Variants in FRY observed in about 807,000 individuals in gnomAD.
FRY encodes FRY microtubule binding protein.
FRY carries 128 observed loss-of-function variants against 348.4 expected under a neutral mutation model. The observed-to-expected ratio is 0.37, with a 90% CI of 0.32 to 0.43. The LOEUF is 0.43. FRY is among the 20% of genes least tolerant of loss of function. The pLI is 1.00. For synonymous variants in FRY, 1,370 were observed against 1,374.7 expected, an observed-to-expected ratio of 1.00 and a Z score of 0.08; for missense variants, 2,736 against 3,695.2, an observed-to-expected ratio of 0.74 and a Z score of 6.73.
At chr13:32,066,260 G>T (rs902040069) in intron 1 of FRY, among the ~76,000 whole-genome samples, 2 of 152,160 alleles carry the variant, frequency 1.3e-5, no homozygotes, top group Non-Finnish European at 2.9e-5. Context: ...CCTTATGGTG[G>T]TAACATTAAC....
In FRY at chr13:32,186,919, C is replaced by T. The variant is rs551136945; in HGVS notation, c.3480+499C>T. Among the ~76,000 whole-genome samples, 3 of 152,200 alleles carry T rather than the reference C, an allele frequency of 2.0e-5. No homozygotes were observed. The South Asian group carries it at 6.2e-4, about 32-fold the overall frequency. ...GTTGCTGACTCTCAGATTACCTTTG[C>T]CTCGGTGGAACTAATTTAAACTATG... On this transcript the variant is annotated intron_variant, in intron 27 of 60. Transcript: ENST00000542859.
intron 1 of FRY, among the ~76,000 whole-genome samples, chr13:32,048,446 T>C (rs1239904661): frequency 6.6e-6 from 1 of 152,184 alleles, no homozygotes; most frequent in Non-Finnish European, 1.5e-5. Context: ...AAAAGAAAAG[T>C]GTAGAGTGAA....
chr13:32,275,932 T>C (rs59657148), intron 56 of FRY, among the ~76,000 whole-genome samples: 2,707 of 152,110 alleles, frequency 0.018, 110 homozygotes, highest in African/African-American at 0.062. Context: ...GCTCAGTAAT[T>C]ACTGAGGTTT....
chr13:32,240,213 AT>A (rs1272136736), intron 46 of FRY, among the ~76,000 whole-genome samples: 1 of 152,236 alleles, frequency 6.6e-6, no homozygotes, highest in Non-Finnish European at 1.5e-5. Flanking sequence ...TATCATACAG[AT>A]CTGAGGCTCA....
rs1886373178 is a variant in FRY at position 32,239,133 on chromosome 13, C to G, written c.6419-119C>G. ...GATTTTGTGTTAGATCATGTTTAAG[C>G]TGATTCAAAAAACTGCTTTTGCATC... On this transcript the variant is annotated intron_variant, in intron 44 of 60. Coordinates refer to ENST00000542859, the MANE Select transcript of FRY (RefSeq NM_023037.3). This position sits in a 1 kb window ranked among gnomAD's most constrained non-coding sequence, Gnocchi z 4.3. The G allele has an allele frequency of 1.4e-6, 1 of 738,412 alleles. No homozygotes were observed. Among genetic ancestry groups the G allele is most frequent in the African/African-American group, 1.7e-5 (1 of 58,124 alleles). 45.7% of individuals were successfully genotyped at this position (738,412 alleles called of 1,614,324 possible).
rs558301393 is a variant in FRY, at chr13:32,261,639, C to T, written c.7440C>T (p.Asn2480=). The T allele has an allele frequency of 6.2e-7, 1 of 1,614,096 alleles. No homozygotes were observed. The change falls in exon 52 of 61, where the codon AAC becomes AAT. Residue 2480 remains asparagine, a synonymous_variant. Coordinates refer to ENST00000542859, the MANE Select transcript of FRY (RefSeq NM_023037.3). ...DGEGESMDNF[N]WGVRRRSLDS... is the part of the protein sequence containing the mutation. ...AGGGTGAGAGTATGGACAATTTCAA[C>T]TGGGGAGTGCGCAGACGTTCTCTGG...
At chr13:32,179,844 G>T in intron 23 of FRY, 45 bp downstream of exon 23, 1 of 1,578,796 alleles carries the variant, frequency 6.3e-7, no homozygotes, top group Non-Finnish European at 8.7e-7. Context: ...ACATGCTGCT[G>T]CTATTGTAGT....
intron 2 of FRY, 27 bp downstream of exon 2, chr13:32,079,060 C>G (rs1566059355): frequency 1.3e-6 from 2 of 1,483,522 alleles, no homozygotes; most frequent in Admixed American, 3.3e-5. Context: ...GAAACTGCCT[C>G]TTTGAAAATT....
chr13:32,150,562 C>G (rs1880730668), intron 14 of FRY, among the ~76,000 whole-genome samples: 1 of 152,024 alleles, frequency 6.6e-6, no homozygotes, highest in Non-Finnish European at 1.5e-5. Flanking sequence ...AGCTTTTTCA[C>G]CAGTAAAAAG....
At chr13:32,210,653 G>A (rs978548514) in intron 33 of FRY, among the ~76,000 whole-genome samples, 2 of 152,140 alleles carry the variant, frequency 1.3e-5, no homozygotes, top group African/African-American at 4.8e-5. Context: ...GAAAAGGTAA[G>A]GGCTTTAAGA....
chr13:32,290,489 A>T (rs181545965), intron 59 of FRY, among the ~76,000 whole-genome samples: 6 of 152,154 alleles, frequency 3.9e-5, no homozygotes, highest in Admixed American at 3.3e-4. Flanking sequence ...CATAAGCCTG[A>T]TGGGAAGAAA....
At chr13:32,124,140 C>A in intron 4 of FRY, 146 bp from the exon 5 acceptor site, 2 of 639,552 alleles carry the variant, frequency 3.1e-6, no homozygotes, top group Non-Finnish European at 2.8e-6. Flanking sequence ...GCCCGGCCAA[C>A]GTTAGCATGT....
intron 11 of FRY, among the ~76,000 whole-genome samples, chr13:32,146,607 T>C (rs1880477562): frequency 1.3e-5 from 2 of 152,212 alleles, no homozygotes; most frequent in Non-Finnish European, 2.9e-5. Flanking sequence ...GTGCTGGGAT[T>C]ACAGGCATGA....
intron 3 of FRY, among the ~76,000 whole-genome samples, chr13:32,103,796 T>C (rs966569070): frequency 1.3e-5 from 2 of 152,062 alleles, no homozygotes; most frequent in East Asian, 1.9e-4. Context: ...GAAACCTTGC[T>C]GCTATCAAAA....
At chr13:32,280,051 A>G (rs1255986713) in intron 58 of FRY, among the ~76,000 whole-genome samples, 3 of 152,148 alleles carry the variant, frequency 2.0e-5, no homozygotes, top group Non-Finnish European at 4.4e-5. Context: ...TGGTTTACAG[A>G]GCACTTTCAC....
intron 4 of FRY, among the ~76,000 whole-genome samples, chr13:32,119,644 C>A (rs1437825617): frequency 6.6e-6 from 1 of 152,090 alleles, no homozygotes; most frequent in Non-Finnish European, 1.5e-5. Flanking sequence ...TTTGGTCTTT[C>A]CAACTTCCTG....
At chr13:32,107,524 C>A (rs1028636068) in intron 3 of FRY, among the ~76,000 whole-genome samples, 1 of 152,126 alleles carries the variant, frequency 6.6e-6, no homozygotes, top group African/African-American at 2.4e-5. Flanking sequence ...TCACAAACTT[C>A]AGGAATATGA....
intron 20 of FRY, among the ~76,000 whole-genome samples, chr13:32,177,416 C>T (rs898603099): frequency 2.6e-5 from 4 of 151,848 alleles, no homozygotes; most frequent in African/African-American, 9.7e-5. Context: ...ATGGTGAAAC[C>T]CTGTTTCTTC....
chr13:32,210,245 A>G (rs1027145179), intron 33 of FRY, among the ~76,000 whole-genome samples: 2 of 152,220 alleles, frequency 1.3e-5, no homozygotes, highest in African/African-American at 2.4e-5. Context: ...TGATAGGATC[A>G]ACAGAATGAC....
Sources: allele counts gnomAD v4.1 joint callset (sites outside exome capture counted in the v4.1 genomes callset), GRCh38; gene constraint gnomAD v4.1.1; non-coding constraint Gnocchi (gnomAD v3.1); transcripts MANE v1.5; gene names NCBI Gene and HGNC (gene_info 2026-07-23, HGNC 2026-07-21).